BTBD9: variants seen among roughly 807,000 people sequenced by gnomAD.
The protein encoded by BTBD9 is BTB domain containing 9.
In BTBD9, 49 loss-of-function variants were observed where a neutral mutation model predicts 64.3. The observed-to-expected ratio is 0.76, with a 90% confidence interval of 0.61 to 0.97. The LOEUF (loss-of-function observed/expected upper bound fraction) is 0.97, where lower values mean the gene tolerates loss of function less well. Among genes scored for constraint, BTBD9 ranks in the 50% least tolerant of loss-of-function variants. The pLI is 0.00. For missense variants in BTBD9, 598 were observed against 762.1 expected, an observed-to-expected ratio of 0.78 and a Z score of 2.53; for synonymous variants, 260 against 274.7, an observed-to-expected ratio of 0.95 and a Z score of 0.53.
chr6:38,530,109 T>G (rs1166414443), intron 6 of BTBD9, among the ~76,000 whole-genome samples: 1 of 152,126 alleles, frequency 6.6e-6, no homozygotes, highest in East Asian at 1.9e-4. Flanking sequence ...GCAGTTGAGA[T>G]AAGGACTGAG....
intron 4 of BTBD9, among the ~76,000 whole-genome samples, chr6:38,589,457 C>T (rs762768802): frequency 1.1e-4 from 17 of 152,138 alleles, no homozygotes; most frequent in Non-Finnish European, 2.4e-4. Context: ...AAGACAGGAT[C>T]CGACATGATA....
At chr6:38,490,619 C>T (rs1174839954) in intron 6 of BTBD9, among the ~76,000 whole-genome samples, 4 of 152,070 alleles carry the variant, frequency 2.6e-5, no homozygotes, top group Non-Finnish European at 5.9e-5. Context: ...TGTGCCCGGC[C>T]GACACATCCA....
At chr6:38,447,910 A>C (rs1769349533) in intron 6 of BTBD9, among the ~76,000 whole-genome samples, 1 of 152,234 alleles carries the variant, frequency 6.6e-6, no homozygotes, top group African/African-American at 2.4e-5. Context: ...GGATGAGTGA[A>C]GACTGGAGAA....
At position 38,222,466 on chromosome 6, in the gene BTBD9, A is replaced by G. The variant is rs980418990; in HGVS notation, c.1563-29869T>C. ...AGTAGAGACGGGGTTTCACCGTGTT[A>G]GCCAGGATGGTCTCGATCTCCTGAC... On this transcript the variant is annotated intron_variant, in intron 9 of 10. Coordinates refer to ENST00000481247, the MANE Select transcript of BTBD9 (RefSeq NM_001099272.2). Among the ~76,000 whole-genome samples, 21 of 151,960 alleles carry G rather than the reference A, an allele frequency of 1.4e-4. No individual in the cohort carries two copies. The South Asian group carries it at 1.7e-3, about 12-fold the overall frequency.
intron 6 of BTBD9, among the ~76,000 whole-genome samples, chr6:38,398,757 C>T (rs1406165869): frequency 1.3e-5 from 2 of 152,194 alleles, no homozygotes; most frequent in Admixed American, 6.5e-5. Context: ...AACTTTACTT[C>T]ATCAAAGCAC....
chr6:38,577,514 C>T, intron 6 of BTBD9, 86 bp downstream of exon 6: 1 of 1,361,246 alleles, frequency 7.3e-7, no homozygotes, highest in Non-Finnish European at 1.0e-6. Flanking sequence ...ACTCTTTTTT[C>T]AAGATGAAAA....
rs141246855 is a variant in BTBD9, at chr6:38,215,386, G to A, written c.1563-22789C>T. On this transcript the variant is annotated intron_variant, in intron 9 of 10. Transcript: ENST00000481247. Reference sequence around the variant, plus strand: ...CAGGCAAGCTTCAATGTCGGCCTCCGGGCTCGCTAAGCAAATAGTTTACCC... The same window carrying A: ...CAGGCAAGCTTCAATGTCGGCCTCCAGGCTCGCTAAGCAAATAGTTTACCC... Among the ~76,000 whole-genome samples the A allele has an allele frequency of 1.9e-3, 287 of 152,212 alleles. 3 individuals are homozygous for A. Among genetic ancestry groups the A allele is most frequent in the Non-Finnish European group, 2.8e-3 (189 of 68,008 alleles).
At chr6:38,402,789 A>C in intron 6 of BTBD9, 1 of 699,866 alleles carries the variant, frequency 1.4e-6, no homozygotes, top group Non-Finnish European at 2.6e-6. Context: ...CTAAATCAGC[A>C]AGACTTGGTG....
At position 38,175,007 on chromosome 6, in the gene BTBD9, G is replaced by A. The variant is rs1308157386; in HGVS notation, c.1817C>T (p.Ser606Phe). ...LPSSPGSNSR[S>F]PNRQHQ is the part of the protein sequence containing the mutation. ...CCTTTATTGGTGCTGCCGGTTGGGG[G>A]AGCGTGAGTTGGAGCCTGGGCTGGA... is the stretch of plus-strand genomic sequence containing the variant. The change falls in exon 11 of 11, where the codon TCC becomes TTC. Residue 606 changes from serine to phenylalanine, a missense_variant. Transcript: ENST00000481247. The A allele has an allele frequency of 8.1e-6, 13 of 1,613,908 alleles. No homozygotes were observed. Among genetic ancestry groups the A allele is most frequent in the Non-Finnish European group, 1.1e-5 (13 of 1,180,050 alleles).
At chr6:38,612,124 G>A (rs1411198268) in intron 1 of BTBD9, among the ~76,000 whole-genome samples, 1 of 152,146 alleles carries the variant, frequency 6.6e-6, no homozygotes, top group Non-Finnish European at 1.5e-5. Context: ...GTGCATAGGT[G>A]TGCATTTTCA....
At chr6:38,616,945 G>A (rs763251084) in intron 1 of BTBD9, among the ~76,000 whole-genome samples, 19 of 152,090 alleles carry the variant, frequency 1.2e-4, no homozygotes, top group East Asian at 1.9e-4. Flanking sequence ...AACAAACTCC[G>A]GACACATCTT....
At chr6:38,382,642 G>A (rs1765986650) in intron 6 of BTBD9, among the ~76,000 whole-genome samples, 1 of 151,714 alleles carries the variant, frequency 6.6e-6, no homozygotes, top group Admixed American at 6.6e-5. Flanking sequence ...ATCCAAAGAA[G>A]GTTCTTTGAA....
intron 6 of BTBD9, among the ~76,000 whole-genome samples, chr6:38,502,246 T>C (rs1433328461): frequency 1.3e-5 from 2 of 152,224 alleles, no homozygotes; most frequent in African/African-American, 4.8e-5. Flanking sequence ...AAAGAAGTCT[T>C]TCAGAGCTTT....
chr6:38,175,288 G>A (rs1766951633), intron 10 of BTBD9, 106 bp from the exon 11 acceptor site: 6 of 1,171,460 alleles, frequency 5.1e-6, no homozygotes, highest in East Asian at 2.4e-5. Flanking sequence ...GCCACCACGA[G>A]GGAGTTAGAG....
At chr6:38,441,883 T>TA (rs1378713751) in intron 6 of BTBD9, among the ~76,000 whole-genome samples, 2 of 152,110 alleles carry the variant, frequency 1.3e-5, no homozygotes, top group South Asian at 2.1e-4. Context: ...AAACAAAAGT[T>TA]AAAGTCATAC....
intron 6 of BTBD9, among the ~76,000 whole-genome samples, chr6:38,375,959 GAAAGAAAA>G (rs1765681490): frequency 6.9e-6 from 1 of 145,518 alleles, no homozygotes; most frequent in African/African-American, 2.6e-5. Flanking sequence ...AGGAAAGAAA[GAAAGAAAA>G]AACGTGTAGG....
chr6:38,479,839 C>T (rs1428170659), intron 6 of BTBD9, among the ~76,000 whole-genome samples: 3 of 152,198 alleles, frequency 2.0e-5, no homozygotes, highest in Admixed American at 2.0e-4. Flanking sequence ...AGCAATCCCG[C>T]TGCCTCAGCC....
chr6:38,378,769 G>T (rs1294651574), intron 6 of BTBD9, among the ~76,000 whole-genome samples: 1 of 151,328 alleles, frequency 6.6e-6, no homozygotes, highest in Non-Finnish European at 1.5e-5. Flanking sequence ...AGCTACTCGG[G>T]AGGCTGAGGC....
intron 6 of BTBD9, among the ~76,000 whole-genome samples, chr6:38,350,033 T>C (rs1303851619): frequency 6.6e-6 from 1 of 152,196 alleles, no homozygotes; most frequent in Non-Finnish European, 1.5e-5. Flanking sequence ...CCAGGATCCC[T>C]TCTTGGCAGA....
Sources: gnomAD v4.1 joint callset for allele counts (sites outside exome capture counted in the v4.1 genomes callset) on GRCh38, gnomAD v4.1.1 for gene constraint, MANE v1.5 for transcripts, NCBI Gene and HGNC (gene_info 2026-07-23, HGNC 2026-07-21) for gene names.